The following ACAT1 variants were observed in gnomAD, a reference collection of about 807,000 sequenced individuals.
The protein encoded by ACAT1 is acetyl-CoA acetyltransferase, mitochondrial.
A neutral mutation model predicts 47.3 loss-of-function variants in ACAT1; 28 were observed. The observed-to-expected ratio is 0.59, with a 90% CI of 0.44 to 0.81. The LOEUF is 0.81. Among genes scored for constraint, ACAT1 ranks in the 30% least tolerant of loss-of-function variants. The probability of loss-of-function intolerance (pLI) is 0.00; values close to 1 mark genes in which losing one functional copy is unlikely to be tolerated. For synonymous variants in ACAT1, 181 were observed against 173.6 expected (o/e 1.04, Z -0.34); for missense variants, 469 against 524.3 (o/e 0.89, Z 1.03).
chr11:108,140,709 G>A (rs981761698), intron 7 of ACAT1, among the ~76,000 whole-genome samples: 2 of 152,202 alleles, frequency 1.3e-5, no homozygotes, highest in Middle Eastern at 3.2e-3. Context: ...TCTCAAAAAG[G>A]AGAGACTTTC....
intron 5 of ACAT1, among the ~76,000 whole-genome samples, chr11:108,137,114 A>G (rs1173576188): frequency 6.6e-6 from 1 of 152,248 alleles, no homozygotes; most frequent in Non-Finnish European, 1.5e-5. Flanking sequence ...TAATAATATT[A>G]AAAGCATTGC....
Position 108,146,311 on chromosome 11 carries a change from A to C in ACAT1, c.1115A>C (p.Gln372Pro). Residue 372 changes from glutamine to proline, a missense_variant, in exon 11 of 12, where the codon CAA becomes CCA. Physicochemically the swap from Gln to Pro is moderately conservative, Grantham distance 76. Coordinates refer to ENST00000265838, the MANE Select transcript of ACAT1 (RefSeq NM_000019.4). Reference sequence around the variant, plus strand: ...ATTAAAATGTTGGAGATTGATCCCCAAAAAGTGAATATCAATGGAGGAGCT... The same window carrying C: ...ATTAAAATGTTGGAGATTGATCCCCCAAAAGTGAATATCAATGGAGGAGCT... ...ANIKMLEIDP[Q>P]KVNINGGAVS... 6.2e-7 allele frequency: 1 copy of C among 1,614,054 alleles called. No individual in the cohort carries two copies. Among genetic ancestry groups the C allele is most frequent in the Non-Finnish European group, 8.5e-7 (1 of 1,179,952 alleles).
At chr11:108,138,803 T>A in intron 5 of ACAT1, 95 bp from the exon 6 acceptor site, 1 of 1,350,940 alleles carries the variant, frequency 7.4e-7, no homozygotes, top group Non-Finnish European at 1.1e-6. Context: ...AATAAATGCA[T>A]GTAGAATACT....
chr11:108,119,403 T>C (rs1354521015), upstream of ACAT1, among the ~76,000 whole-genome samples: 21 of 152,014 alleles, frequency 1.4e-4, 1 homozygote, highest in Admixed American at 1.4e-3. Flanking sequence ...GGGGTTTTGC[T>C]ATGTTGGCCA....
rs895333362 is a variant in ACAT1 at position 108,134,403 on chromosome 11, G to C, written c.334+87G>C. Reference sequence around the variant, plus strand: ...CTCATGCCTGTAATCCCAGCACTTTGGGAGGCCGAGGCAGGCGGATCACGA... The same window carrying C: ...CTCATGCCTGTAATCCCAGCACTTTCGGAGGCCGAGGCAGGCGGATCACGA... On this transcript the variant is annotated intron_variant, in intron 4 of 11. Coordinates refer to ENST00000265838, the MANE Select transcript of ACAT1 (RefSeq NM_000019.4). The C allele has an allele frequency of 1.1e-5, 11 of 1,006,982 alleles. No individual in the cohort carries two copies. In the Admixed American group the frequency reaches 2.0e-4, roughly 18 times the overall value. 62.4% of individuals were successfully genotyped at this position (1,006,982 alleles called of 1,614,324 possible). A position where few individuals can be genotyped will look rare whatever the true frequency, so the allele number is the denominator to read the frequency against.
At chr11:108,123,521 A>T (rs941429594) in intron 1 of ACAT1, among the ~76,000 whole-genome samples, 1 of 152,100 alleles carries the variant, frequency 6.6e-6, no homozygotes, top group Non-Finnish European at 1.5e-5. Context: ...ATTGGAGCAC[A>T]TTGCCTTTCT....
intron 1 of ACAT1, among the ~76,000 whole-genome samples, chr11:108,123,068 T>TAC (rs55958034): frequency 0.25 from 38,023 of 149,600 alleles, 4,996 homozygotes; most frequent in African/African-American, 0.3. Context: ...CTATTAAAAA[T>TAC]ACACACACAC....
At chr11:108,127,066 T>A (rs2077263901) in intron 1 of ACAT1, among the ~76,000 whole-genome samples, 1 of 151,860 alleles carries the variant, frequency 6.6e-6, no homozygotes, top group Admixed American at 6.6e-5. Flanking sequence ...TCCGCCCCCC[T>A]CGGCCTCCCA....
chr11:108,147,222 C>T (rs2077734359), intron 11 of ACAT1, 48 bp from the exon 12 acceptor site: 3 of 1,606,928 alleles, frequency 1.9e-6, no homozygotes, highest in Non-Finnish European at 1.7e-6. Context: ...TTTGGTTAGT[C>T]ATAAATTCTG....
chr11:108,145,287 G>T (rs11212525), intron 10 of ACAT1, among the ~76,000 whole-genome samples: 34,607 of 152,184 alleles, frequency 0.23, 4,341 homozygotes, highest in East Asian at 0.53. Context: ...CTGTGGCCCA[G>T]ATAACCCTAC....
chr11:108,146,060 G>T, intron 10 of ACAT1, 142 bp from the exon 11 acceptor site: 1 of 786,026 alleles, frequency 1.3e-6, no homozygotes, highest in Non-Finnish European at 2.1e-6. Flanking sequence ...AAAAAAATCT[G>T]AAAATAGAGA....
intron 1 of ACAT1, among the ~76,000 whole-genome samples, chr11:108,124,744 G>A (rs763826908): frequency 8.5e-5 from 13 of 152,138 alleles, no homozygotes; most frequent in African/African-American, 1.4e-4. Context: ...AGCTGCTGCC[G>A]TGCTCACTCT....
At chr11:108,124,075 G>A in intron 1 of ACAT1, among the ~76,000 whole-genome samples, 1 of 152,136 alleles carries the variant, frequency 6.6e-6, no homozygotes, top group East Asian at 1.9e-4. Flanking sequence ...AGGCACCAGT[G>A]GAAGATTGGA....
Position 108,121,642 on chromosome 11 carries a change from C to T in ACAT1, c.36C>T (p.Ala12=), listed in dbSNP as rs1333520451. ...AVLAALLRSG[A]RSRSPLLRRL... ...TGGCGGCACTTCTGCGCAGCGGCGC[C>T]CGCAGCCGCAGCCCCCTGCTCCGGA... Residue 12 remains alanine, a synonymous_variant, in exon 1 of 12, where the codon GCC becomes GCT. Coordinates refer to ENST00000265838, the MANE Select transcript of ACAT1 (RefSeq NM_000019.4). The T allele has an allele frequency of 5.2e-6, 8 of 1,550,184 alleles. No individual in the cohort carries two copies. Among genetic ancestry groups the T allele is most frequent in the Non-Finnish European group, 7.0e-6 (8 of 1,147,420 alleles).
At chr11:108,147,114 C>T (rs1301415637) in intron 11 of ACAT1, among the ~76,000 whole-genome samples, 156 bp from the exon 12 acceptor site, 2 of 152,152 alleles carry the variant, frequency 1.3e-5, no homozygotes, top group Non-Finnish European at 2.9e-5. Context: ...CTTCCTGAAA[C>T]AAGTCCTCCA....
chr11:108,128,010 C>T (rs1488821135), intron 1 of ACAT1: 1 of 152,040 alleles, frequency 6.6e-6, no homozygotes, highest in Non-Finnish European at 1.5e-5. Context: ...CTCTACAAAA[C>T]AAACAAACAA....
At chr11:108,119,037 T>A (rs1015351013), upstream of ACAT1, among the ~76,000 whole-genome samples, 1 of 152,330 alleles carries the variant, frequency 6.6e-6, no homozygotes, top group East Asian at 1.9e-4. Context: ...TAGATTCCAA[T>A]TGCAACTGTG....
chr11:108,147,208 A>G (rs898312445), intron 11 of ACAT1, 62 bp from the exon 12 acceptor site: 1 of 1,589,064 alleles, frequency 6.3e-7, no homozygotes, highest in Non-Finnish European at 8.6e-7. Context: ...TGGAATAGAA[A>G]CATTTTGGTT....
chr11:108,132,056 GA>G, intron 2 of ACAT1, 102 bp downstream of exon 2: 1 of 742,740 alleles, frequency 1.3e-6, no homozygotes, highest in South Asian at 1.6e-5. Flanking sequence ...GTCAAAGCAG[GA>G]TTATGTAACA....
Sources: gnomAD v4.1 joint callset for allele counts (sites outside exome capture counted in the v4.1 genomes callset) on GRCh38, gnomAD v4.1.1 for gene constraint, MANE v1.5 for transcripts, NCBI Gene and HGNC (gene_info 2026-07-23, HGNC 2026-07-21) for gene names.